Variants in MBD5 observed in about 807,000 individuals in gnomAD.
MBD5 encodes the protein methyl-CpG binding domain protein 5.
MBD5 carries 13 observed loss-of-function variants against 117.3 expected under a neutral mutation model. The observed-to-expected ratio is 0.11, with a 90% CI of 0.07 to 0.18. The LOEUF (loss-of-function observed/expected upper bound fraction) is 0.18. MBD5 is among the 10% of genes least tolerant of loss of function. MBD5 has a pLI of 1.00. For missense variants in MBD5, 1,879 were observed against 2,093.8 expected, an observed-to-expected ratio of 0.90 and a Z score of 2.00; for synonymous variants, 727 against 766.4, an observed-to-expected ratio of 0.95 and a Z score of 0.85.
intron 4 of MBD5, among the ~76,000 whole-genome samples, chr2:148,417,721 AT>A (rs200699606): frequency 0.02 from 3,008 of 151,084 alleles, 103 homozygotes; most frequent in African/African-American, 0.069. Context: ...TATGTCGAGT[AT>A]TTTTTTCATA....
intron 3 of MBD5, among the ~76,000 whole-genome samples, chr2:148,270,962 AT>A (rs1407928712): frequency 1.3e-5 from 2 of 152,080 alleles, no homozygotes; most frequent in African/African-American, 2.4e-5. Flanking sequence ...CCCTTTAAAA[AT>A]GTATTTATTT....
intron 8 of MBD5, 143 bp from the exon 9 acceptor site, chr2:148,482,967 G>A: frequency 1.1e-6 from 1 of 881,542 alleles, no homozygotes; most frequent in Admixed American, 2.4e-5. Flanking sequence ...CAAGTGATCT[G>A]ATTACAATTA....
intron 3 of MBD5, among the ~76,000 whole-genome samples, chr2:148,283,167 C>T (rs1348922890): frequency 1.3e-5 from 2 of 152,022 alleles, no homozygotes; most frequent in African/African-American, 4.8e-5. Context: ...TCTCAGAATG[C>T]AATGTATAAA....
At chr2:148,361,894 C>T (rs539353855) in intron 4 of MBD5, among the ~76,000 whole-genome samples, 13 of 152,336 alleles carry the variant, frequency 8.5e-5, no homozygotes, top group Admixed American at 7.8e-4. Context: ...GGTTGGGGAA[C>T]TCCCTCCCCT....
At chr2:148,507,909 A>C (rs1037176734) in intron 12 of MBD5, among the ~76,000 whole-genome samples, 1 of 152,170 alleles carries the variant, frequency 6.6e-6, no homozygotes, top group African/African-American at 2.4e-5. Context: ...TTGGAACTTT[A>C]TATAGTCAAT....
chr2:148,487,685 T>C (rs1433516544), intron 10 of MBD5, among the ~76,000 whole-genome samples: 1 of 152,072 alleles, frequency 6.6e-6, no homozygotes, highest in Non-Finnish European at 1.5e-5. Flanking sequence ...GAACAGTGAA[T>C]AGGAGGTTAG....
chr2:148,486,063 T>C (rs1681330781), intron 10 of MBD5, 113 bp downstream of exon 10: 1 of 917,038 alleles, frequency 1.1e-6, no homozygotes, highest in African/African-American at 1.6e-5. Context: ...CACCTCTATT[T>C]ACTGTTATTT....
chr2:148,415,367 G>A (rs1018507402), intron 4 of MBD5, among the ~76,000 whole-genome samples: 15 of 152,120 alleles, frequency 9.9e-5, no homozygotes, highest in Admixed American at 9.8e-4. Flanking sequence ...CTTTGTAGGT[G>A]ACCTGCCTCT....
chr2:148,451,363 T>C (rs1446134286), intron 4 of MBD5, among the ~76,000 whole-genome samples: 2 of 152,074 alleles, frequency 1.3e-5, no homozygotes, highest in East Asian at 3.9e-4. Flanking sequence ...AAAAAAGATA[T>C]AACTGCAAGA....
chr2:148,345,338 C>CACATAT (rs1360299853), intron 4 of MBD5, among the ~76,000 whole-genome samples: 3 of 148,412 alleles, frequency 2.0e-5, no homozygotes, highest in South Asian at 2.1e-4. Flanking sequence ...TATGTATATA[C>CACATAT]ACATATACAT....
At chr2:148,187,452 G>T (rs1405677731) in intron 2 of MBD5, among the ~76,000 whole-genome samples, 1 of 151,964 alleles carries the variant, frequency 6.6e-6, no homozygotes, top group Non-Finnish European at 1.5e-5. Flanking sequence ...ATGAAAAATA[G>T]AAACATAAAA....
chr2:148,409,475 A>G (rs913292261), intron 4 of MBD5, among the ~76,000 whole-genome samples: 1 of 151,654 alleles, frequency 6.6e-6, no homozygotes, highest in African/African-American at 2.4e-5. Context: ...GGGAGGGAGG[A>G]AGGATTGATT....
intron 3 of MBD5, among the ~76,000 whole-genome samples, chr2:148,297,097 C>G (rs1297603495): frequency 6.6e-6 from 1 of 151,890 alleles, no homozygotes; most frequent in Non-Finnish European, 1.5e-5. Flanking sequence ...GTTGGCCAGG[C>G]TGGTCTGGAA....
At chr2:148,367,150 A>G (rs889266802) in intron 4 of MBD5, among the ~76,000 whole-genome samples, 1 of 152,178 alleles carries the variant, frequency 6.6e-6, no homozygotes, top group South Asian at 2.1e-4. Flanking sequence ...ATGGAACAGA[A>G]CAGAGGCCTC....
rs539688818 is a variant in MBD5, at chr2:148,314,548, C to G, written c.-679-27666C>G. ...AGTGCCACCACTCCCAGCTAATTTT[C>G]TGTAATTTTAGTAGAGATGGGGTTT... On this transcript the variant is annotated intron_variant, in intron 3 of 13. Coordinates refer to ENST00000642680, the MANE Select transcript of MBD5 (RefSeq NM_001378120.1). Among the ~76,000 whole-genome samples the G allele has an allele frequency of 1.1e-4, 16 of 151,740 alleles. 1 individual carries two copies. The South Asian group carries it at 3.3e-3, about 32-fold the overall frequency.
At chr2:148,490,952 A>T (rs1291263604) in intron 11 of MBD5, among the ~76,000 whole-genome samples, 1 of 152,198 alleles carries the variant, frequency 6.6e-6, no homozygotes, top group African/African-American at 2.4e-5. Context: ...GGGGAAAAAA[A>T]TCTGGTAGCC....
chr2:148,110,284 T>C (rs1407553239), intron 1 of MBD5, among the ~76,000 whole-genome samples: 1 of 152,174 alleles, frequency 6.6e-6, no homozygotes, highest in Admixed American at 6.5e-5. Flanking sequence ...AGGTTTGTCT[T>C]ATTGTTTCTT....
chr2:148,212,795 A>G (rs1699458561), intron 2 of MBD5, among the ~76,000 whole-genome samples: 1 of 152,322 alleles, frequency 6.6e-6, no homozygotes, highest in Admixed American at 6.5e-5. Flanking sequence ...TTCTAGGTAA[A>G]CATTCACTAG....
At chr2:148,497,279 C>T (rs1681731655) in intron 11 of MBD5, among the ~76,000 whole-genome samples, 1 of 151,922 alleles carries the variant, frequency 6.6e-6, no homozygotes, top group African/African-American at 2.4e-5. Context: ...ACTATTCAAG[C>T]CACTTTTTAG....
Sources: allele counts gnomAD v4.1 joint callset (sites outside exome capture counted in the v4.1 genomes callset), GRCh38; gene constraint gnomAD v4.1.1; transcripts MANE v1.5; gene names NCBI Gene and HGNC (gene_info 2026-07-23, HGNC 2026-07-21).